ITFG2: variants seen among roughly 807,000 people sequenced by gnomAD.
The protein encoded by ITFG2 is integrin alpha FG-GAP repeat containing 2, also known as KICSTOR complex protein ITFG2.
In ITFG2, 36 loss-of-function variants were observed where a neutral mutation model predicts 54.4. That is an observed-to-expected ratio of 0.66 (90% CI 0.51 to 0.87). The LOEUF (loss-of-function observed/expected upper bound fraction) is 0.87, where lower values mean the gene tolerates loss of function less well. Among genes scored for constraint, ITFG2 ranks in the 40% least tolerant of loss-of-function variants. ITFG2 has a pLI of 0.00. For synonymous variants in ITFG2, 211 were observed against 225.4 expected, an observed-to-expected ratio of 0.94 and a Z score of 0.57; for missense variants, 524 against 576.7, an observed-to-expected ratio of 0.91 and a Z score of 0.94.
chr12:2,823,006 C>G, intron 10 of ITFG2, 95 bp downstream of exon 10: 1 of 888,450 alleles, frequency 1.1e-6, no homozygotes, highest in South Asian at 1.4e-5. Context: ...ACTTCCCTTT[C>G]TGACGTATCC....
chr12:2,827,690 T>C, downstream of ITFG2: 1 of 1,613,962 alleles, frequency 6.2e-7, no homozygotes, highest in South Asian at 1.1e-5. The surrounding 1 kb of genome is among the most constrained non-coding windows in gnomAD (Gnocchi z 4.0). Context: ...ATAGGAACAA[T>C]TTGAAAACAG....
At chr12:2,819,797 A>T in intron 4 of ITFG2, 1 of 261,964 alleles carries the variant, frequency 3.8e-6, no homozygotes, top group Non-Finnish European at 7.2e-6. Flanking sequence ...CCATCCAGAT[A>T]GGGGGCTTGT....
At chr12:2,835,190 T>TGTGA, upstream of ITFG2, 40,093 of 859,340 alleles carry the variant, frequency 0.047, 600 homozygotes, top group Admixed American at 0.13. Context: ...TGTGTGTGTG[T>TGTGA]GAGAGAGAGA....
intron 9 of ITFG2, 33 bp downstream of exon 9, chr12:2,821,825 C>A: frequency 6.6e-7 from 1 of 1,509,358 alleles, no homozygotes; most frequent in Non-Finnish European, 9.2e-7. Context: ...CAGAGCATTC[C>A]TGCGTTTTCC....
downstream of ITFG2, chr12:2,828,199 G>A (rs1241109788): frequency 8.8e-7 from 1 of 1,139,872 alleles, no homozygotes. Context: ...GAGTCTTCTA[G>A]CCACTCTTTT....
rs2097938763 is a variant in ITFG2, at chr12:2,820,244, G to A, written c.546+19G>A. Reference sequence around the variant, plus strand: ...GGGTCAGGTAAGAAGCTGACTCTGGGGAACAAGGCCCCAGGGAGCTGGGAG... The same window carrying A: ...GGGTCAGGTAAGAAGCTGACTCTGGAGAACAAGGCCCCAGGGAGCTGGGAG... On this transcript the variant is annotated intron_variant, in intron 5 of 11. Coordinates refer to ENST00000228799, the MANE Select transcript of ITFG2 (RefSeq NM_018463.4). 1 of 1,565,302 alleles carries A rather than the reference G, an allele frequency of 6.4e-7. No homozygotes were observed. Among genetic ancestry groups the A allele is most frequent in the Non-Finnish European group, 8.6e-7 (1 of 1,156,386 alleles).
At chr12:2,815,145 G>T (rs534040331) in intron 1 of ITFG2, among the ~76,000 whole-genome samples, 2 of 152,176 alleles carry the variant, frequency 1.3e-5, no homozygotes, top group East Asian at 3.9e-4. Flanking sequence ...CGCCCAGCCA[G>T]AAATCAAAGA....
chr12:2,838,045 G>A (rs938764795), intron 1 of ITFG2, among the ~76,000 whole-genome samples: 2 of 152,128 alleles, frequency 1.3e-5, no homozygotes, highest in African/African-American at 4.8e-5. Context: ...GCTTCATTTA[G>A]ACTTAGCTTT....
rs780796616 is a variant in ITFG2, at chr12:2,821,787, G to A, written c.943G>A (p.Val315Ile). Residue 315 changes from valine (V) to isoleucine (I), a missense_variant, in exon 9 of 12, where the codon GTC becomes ATC. By Grantham distance (29) the Val-to-Ile change is conservative. Coordinates refer to ENST00000228799, the MANE Select transcript of ITFG2 (RefSeq NM_018463.4). Reference protein sequence around the residue: ...HQLFALEKLDVTGNGHEEVVA... With the variant: ...HQLFALEKLDITGNGHEEVVA... ...GCTCTTTGCCCTGGAGAAACTGGAT[G>A]TCACCGTGAGTGGAAAACCTGGCAG... The A allele has an allele frequency of 3.1e-6, 5 of 1,612,462 alleles. No homozygotes were observed. Among genetic ancestry groups the A allele is most frequent in the East Asian group, 2.2e-5 (1 of 44,898 alleles).
chr12:2,813,318 C>T (rs773531685), intron 1 of ITFG2, among the ~76,000 whole-genome samples: 1 of 152,192 alleles, frequency 6.6e-6, no homozygotes, highest in Non-Finnish European at 1.5e-5. Context: ...TACCACAGGT[C>T]AAGCAGGTAA....
At chr12:2,816,101 G>C (rs1418594447) in intron 1 of ITFG2, among the ~76,000 whole-genome samples, 1 of 151,356 alleles carries the variant, frequency 6.6e-6, no homozygotes, top group East Asian at 1.9e-4. Flanking sequence ...CACGATCTCG[G>C]CTCACTGCAA....
intron 2 of ITFG2, among the ~76,000 whole-genome samples, chr12:2,854,204 T>C (rs1300886921): frequency 6.6e-6 from 1 of 152,056 alleles, no homozygotes; most frequent in African/African-American, 2.4e-5. Context: ...TTTGTATTTT[T>C]AGTAGAGATG....
At chr12:2,849,567 A>C in intron 2 of ITFG2, 1 of 1,534,108 alleles carries the variant, frequency 6.5e-7, no homozygotes. Flanking sequence ...AGATCAAAGA[A>C]GAGATCCAGG....
Position 2,820,195 on chromosome 12 carries a change from G to A in ITFG2, c.516G>A (p.Val172=), listed in dbSNP as rs766717797. 3 of 1,611,766 alleles carry A rather than the reference G, an allele frequency of 1.9e-6. No individual in the cohort carries two copies. Among genetic ancestry groups the A allele is most frequent in the Non-Finnish European group, 2.5e-6 (3 of 1,178,934 alleles). The change falls in exon 5 of 12, where the codon GTG becomes GTA. Residue 172 remains valine, a synonymous_variant. Transcript: ENST00000228799. ...CTGAACATCTGACAGGGCAGCTGGT[G>A]TCCCTCAAGAAATGGATGCTGGAGG... ...EGPEHLTGQL[V]SLKKWMLEGQ...
At chr12:2,855,123 G>C in intron 2 of ITFG2, 6 of 1,533,390 alleles carry the variant, frequency 3.9e-6, no homozygotes, top group East Asian at 4.9e-5. Flanking sequence ...CCGTGGGGGG[G>C]CATCTGTGGG....
Position 2,824,243 on chromosome 12 carries a change from C to G in ITFG2, c.*50C>G. The stretch of plus-strand genomic sequence containing the variant: ...AGGATTCTTCTGAACCCCCACCCTA[C>G]CCCCTAAAGGTATCTGTGGTATTGG... On this transcript the variant is annotated 3_prime_UTR_variant, in exon 12 of 12. Coordinates refer to ENST00000228799, the MANE Select transcript of ITFG2 (RefSeq NM_018463.4). 1 of 1,546,966 alleles carries G rather than the reference C, an allele frequency of 6.5e-7. No homozygotes were observed. Among genetic ancestry groups the G allele is most frequent in the Non-Finnish European group, 8.9e-7 (1 of 1,119,302 alleles).
chr12:2,830,504 TG>T, intron 2 of ITFG2: 1 of 527,742 alleles, frequency 1.9e-6, no homozygotes, highest in Non-Finnish European at 3.3e-6. Flanking sequence ...AGAGTAATGG[TG>T]GTGACAGATG....
In ITFG2 at chr12:2,816,496, A is replaced by T. The variant is rs758156269; in HGVS notation, c.97-727A>T. On this transcript the variant is annotated intron_variant, in intron 1 of 11. Coordinates refer to ENST00000228799, the MANE Select transcript of ITFG2 (RefSeq NM_018463.4). ...AGGCGCCCGCCACCATGCCCGGCTA[A>T]TTTTTTGTAGTTTTAATAGAAACAG... 6.6e-5 allele frequency among the ~76,000 whole-genome samples: 10 copies of T among 151,182 alleles called. 1 individual carries two copies. The East Asian group carries it at 1.9e-3, about 29-fold the overall frequency.
chr12:2,834,681 C>A, upstream of ITFG2: 2 of 1,611,880 alleles, frequency 1.2e-6, no homozygotes, highest in Non-Finnish European at 1.7e-6. Flanking sequence ...GGCTGTCCAG[C>A]GGGAGCAGGT....
Sources: allele counts gnomAD v4.1 joint callset (sites outside exome capture counted in the v4.1 genomes callset), GRCh38; gene constraint gnomAD v4.1.1; non-coding constraint Gnocchi (gnomAD v3.1); transcripts MANE v1.5; gene names NCBI Gene and HGNC (gene_info 2026-07-23, HGNC 2026-07-21).